The following RPL23A variants were observed in gnomAD, a reference collection of about 807,000 sequenced individuals.
RPL23A encodes the protein ribosomal protein L23a, also known as large ribosomal subunit protein uL23.
A neutral mutation model predicts 17.6 loss-of-function variants in RPL23A; 2 were observed. The ratio of observed to expected loss-of-function variants is 0.11; its 90% CI spans 0.05 to 0.36. The LOEUF (loss-of-function observed/expected upper bound fraction) is 0.36. RPL23A is among the 10% of genes least tolerant of loss of function. The pLI, the probability that RPL23A is intolerant of heterozygous loss-of-function variation, is 1.00. For synonymous variants in RPL23A, 65 were observed against 74.3 expected, an observed-to-expected ratio of 0.87 and a Z score of 0.65; for missense variants, 132 against 194.4, an observed-to-expected ratio of 0.68 and a Z score of 1.91.
rs1379808217 is a variant in RPL23A, at chr17:28,720,902, C to T, written c.209+12C>T. ...CCCAGGAGAAACAAGTCAGTACTGC[C>T]CCCTGTACCCATGAAAAGATTTGGG... On this transcript the variant is annotated intron_variant, in intron 2 of 4. Coordinates refer to ENST00000422514, the MANE Select transcript of RPL23A (RefSeq NM_000984.6). The T allele has an allele frequency of 6.2e-7, 1 of 1,606,536 alleles. No homozygotes were observed. The highest frequency in any genetic ancestry group is 2.2e-5 in the East Asian group (1 of 44,812).
chr17:28,720,324 G>C (rs1230003185), intron 1 of RPL23A: 1 of 1,550,726 alleles, frequency 6.4e-7, no homozygotes, highest in African/African-American at 1.4e-5. Flanking sequence ...CATGTCCCCG[G>C]GCCTGTAAGG....
At position 28,723,851 on chromosome 17, in the gene RPL23A, C is replaced by G. The variant is rs533834594; in HGVS notation, c.457-16C>G. 2.6e-4 allele frequency: 418 copies of G among 1,604,236 alleles called. 3 individuals carry two copies. The South Asian group carries it at 4.3e-3, about 17-fold the overall frequency. ...ATATTTCAACTCCAGTAACGAGGCT[C>G]CCTTTTGTTTTTCAGATTGGGATCA... On this transcript the variant is annotated splice_polypyrimidine_tract_variant and intron_variant, in intron 4 of 4. Transcript: ENST00000422514.
chr17:28,720,341 T>C, intron 1 of RPL23A: 1 of 1,551,600 alleles, frequency 6.4e-7, no homozygotes, highest in Non-Finnish European at 8.7e-7. Context: ...AAGGAATTAG[T>C]GCCCTCAGCT....
chr17:28,721,763 G>T (rs945792947), intron 2 of RPL23A: 8 of 152,136 alleles, frequency 5.3e-5, no homozygotes, highest in Non-Finnish European at 8.8e-5. Context: ...ATGGGTTTTT[G>T]CTGCTTCTAC....
At chr17:28,723,392 A>C (rs752167456) in intron 3 of RPL23A, 179 bp from the exon 4 acceptor site, 28 of 767,280 alleles carry the variant, frequency 3.6e-5, no homozygotes, top group Non-Finnish European at 5.8e-5. Context: ...GGTGTTTCCC[A>C]TAAGAGAATT....
intron 4 of RPL23A, 113 bp downstream of exon 4, chr17:28,723,753 C>T: frequency 7.4e-7 from 1 of 1,355,350 alleles, no homozygotes; most frequent in Non-Finnish European, 1.1e-6. Flanking sequence ...CTGACTGCAC[C>T]CCTATCCTTG....
In RPL23A at chr17:28,720,719, C is replaced by T. The variant is rs138140695; in HGVS notation, c.38C>T (p.Pro13Leu). The T allele has an allele frequency of 8.7e-6, 14 of 1,614,068 alleles. No individual in the cohort carries two copies. The South Asian group carries it at 1.2e-4, about 14-fold the overall frequency. ...PKAKKEAPAP[P>L]KAEAKAKALK... is the part of the protein sequence containing the mutation. ...CCTTTTCTCCCAGCTCCTGCCCCTC[C>T]TAAAGCTGAAGCCAAAGCGAAGGCT... The change falls in exon 2 of 5, where the codon CCT becomes CTT. Residue 13 changes from proline to leucine, a missense_variant. By Grantham distance (98) the Pro-to-Leu change is moderately conservative. Coordinates refer to ENST00000422514, the MANE Select transcript of RPL23A (RefSeq NM_000984.6).
At chr17:28,723,183 T>C in intron 3 of RPL23A, 1 of 518,560 alleles carries the variant, frequency 1.9e-6, no homozygotes, top group Non-Finnish European at 3.4e-6. Context: ...TTAAACTTGG[T>C]GTAGGTTTAG....
chr17:28,720,109 G>C (rs985384260), intron 1 of RPL23A, 79 bp downstream of exon 1: 36 of 1,538,342 alleles, frequency 2.3e-5, no homozygotes, highest in Non-Finnish European at 2.9e-5. Flanking sequence ...GAACACGGCT[G>C]CTGGGCTAAG....
chr17:28,720,277 G>T, intron 1 of RPL23A: 2 of 1,547,720 alleles, frequency 1.3e-6, no homozygotes, highest in Non-Finnish European at 8.7e-7. Flanking sequence ...CAGACATTCG[G>T]TTCTGGGAAG....
At position 28,720,894 on chromosome 17, in the gene RPL23A, A is replaced by G. The variant is rs368345956; in HGVS notation, c.209+4A>G. ...AGAGCGCTCCCAGGAGAAACAAGTC[A>G]GTACTGCCCCCTGTACCCATGAAAA... On this transcript the variant is annotated splice_donor_region_variant and intron_variant, in intron 2 of 4. Coordinates refer to ENST00000422514, the MANE Select transcript of RPL23A (RefSeq NM_000984.6). The G allele has an allele frequency of 1.9e-6, 3 of 1,613,154 alleles. No homozygotes were observed. Among genetic ancestry groups the G allele is most frequent in the Non-Finnish European group, 2.5e-6 (3 of 1,179,310 alleles).
At chr17:28,723,108 CT>C (rs928021002) in intron 3 of RPL23A, among the ~76,000 whole-genome samples, 7 of 144,322 alleles carry the variant, frequency 4.9e-5, no homozygotes, top group Admixed American at 6.8e-5. Context: ...AAGCAAGGCC[CT>C]TTTTAAAAAA....
rs202107060 is a variant in RPL23A, at chr17:28,723,889, C to T, written c.*8C>T. On this transcript the variant is annotated 3_prime_UTR_variant, in exon 5 of 5. Transcript: ENST00000422514. ...CAGATTGGGATCATCTAAACTGAGT[C>T]CAGCTGCCTAATTCTGAATATATAT... 57 of 1,588,144 alleles carry T rather than the reference C, an allele frequency of 3.6e-5. No individual in the cohort carries two copies. The African/African-American group carries it at 7.3e-4, about 20-fold the overall frequency.
At chr17:28,722,339 C>T in intron 2 of RPL23A, 1 of 348,392 alleles carries the variant, frequency 2.9e-6, no homozygotes, top group Non-Finnish European at 5.7e-6. Context: ...CCACCATGAC[C>T]AGCTAATTTT....
Position 28,723,858 on chromosome 17 carries a change from G to T in RPL23A, c.457-9G>T. 2 of 1,605,472 alleles carry T rather than the reference G, an allele frequency of 1.2e-6. No individual in the cohort carries two copies. Among genetic ancestry groups the T allele is most frequent in the Non-Finnish European group, 8.5e-7 (1 of 1,172,464 alleles). ...AACTCCAGTAACGAGGCTCCCTTTTGTTTTTCAGATTGGGATCATCTAAAC... is the reference window on the plus strand; with the variant it reads ...AACTCCAGTAACGAGGCTCCCTTTTTTTTTTCAGATTGGGATCATCTAAAC... On this transcript the variant is annotated splice_polypyrimidine_tract_variant and intron_variant, in intron 4 of 4. Transcript: ENST00000422514.
At position 28,724,340 on chromosome 17, in the gene RPL23A, A is replaced by C; in HGVS notation, c.*459A>C. The C allele has an allele frequency of 3.4e-6, 3 of 888,170 alleles. No homozygotes were observed. Among genetic ancestry groups the C allele is most frequent in the Non-Finnish European group, 5.2e-6 (3 of 576,398 alleles). 55.0% of individuals were successfully genotyped at this position (888,170 alleles called of 1,614,324 possible). On this transcript the variant is annotated 3_prime_UTR_variant, in exon 5 of 5. Transcript: ENST00000422514. ...TCCCTCACCCCTTGCCCAATAAAGGACAAGGACTTCAGAGGAGTACTTTCA... is the reference window on the plus strand; with the variant it reads ...TCCCTCACCCCTTGCCCAATAAAGGCCAAGGACTTCAGAGGAGTACTTTCA...
chr17:28,720,150 T>C, intron 1 of RPL23A, 120 bp downstream of exon 1: 1 of 1,528,262 alleles, frequency 6.5e-7, no homozygotes, highest in Non-Finnish European at 8.9e-7. Context: ...GGCTGCTCCC[T>C]GCGTTTCGGA....
chr17:28,722,589 A>C, intron 2 of RPL23A, 134 bp from the exon 3 acceptor site: 2 of 807,686 alleles, frequency 2.5e-6, no homozygotes, highest in South Asian at 1.3e-5. Context: ...CAGGGTGCAG[A>C]TGATGACACT....
At chr17:28,723,667 A>AG (rs918878642) in intron 4 of RPL23A, 27 bp downstream of exon 4, 1 of 1,602,160 alleles carries the variant, frequency 6.2e-7, no homozygotes, top group Non-Finnish European at 8.6e-7. Flanking sequence ...CAAACCCCTT[A>AG]ATGCTCACCC....
Sources: gnomAD v4.1 joint callset for allele counts (sites outside exome capture counted in the v4.1 genomes callset) on GRCh38, gnomAD v4.1.1 for gene constraint, MANE v1.5 for transcripts, NCBI Gene and HGNC (gene_info 2026-07-23, HGNC 2026-07-21) for gene names.